Variants in KIAA1549L observed in about 807,000 individuals in gnomAD.
KIAA1549L encodes the protein UPF0606 protein KIAA1549L.
In KIAA1549L, 88 loss-of-function variants were observed where a neutral mutation model predicts 160.7. The ratio of observed to expected loss-of-function variants is 0.55; its 90% CI spans 0.46 to 0.65. The LOEUF is 0.65. Among genes scored for constraint, KIAA1549L ranks in the 30% least tolerant of loss-of-function variants. The probability of loss-of-function intolerance (pLI) is 0.00; values close to 1 mark genes in which losing one functional copy is unlikely to be tolerated. For missense variants in KIAA1549L, 2,258 were observed against 2,437.5 expected (o/e 0.93, Z 1.55); for synonymous variants, 950 against 976.7 (o/e 0.97, Z 0.51).
chr11:33,656,253 T>G, intron 18 of KIAA1549L, 144 bp downstream of exon 18: 2 of 642,952 alleles, frequency 3.1e-6, no homozygotes, highest in South Asian at 3.7e-5. Flanking sequence ...ACCATGCGCC[T>G]GTGGCATCCC....
chr11:33,501,980 G>A (rs565389074), intron 1 of KIAA1549L, among the ~76,000 whole-genome samples: 406 of 152,246 alleles, frequency 2.7e-3, no homozygotes, highest in Non-Finnish European at 3.7e-3. Context: ...GAGGGAGAGA[G>A]GAAGATGATA....
At chr11:33,597,233 A>G (rs537290244) in intron 12 of KIAA1549L, among the ~76,000 whole-genome samples, 3 of 152,372 alleles carry the variant, frequency 2.0e-5, no homozygotes, top group East Asian at 1.9e-4. Context: ...TTGGCGAGGA[A>G]TGTCCCACTT....
At chr11:33,642,270 G>T (rs1265709014) in intron 16 of KIAA1549L, among the ~76,000 whole-genome samples, 1 of 152,212 alleles carries the variant, frequency 6.6e-6, no homozygotes, top group Non-Finnish European at 1.5e-5. Flanking sequence ...GAAGAAATGT[G>T]TTAGGGAAAG....
intron 16 of KIAA1549L, among the ~76,000 whole-genome samples, chr11:33,623,815 C>T (rs1038321022): frequency 9.2e-5 from 14 of 152,166 alleles, no homozygotes; most frequent in Non-Finnish European, 1.3e-4. Context: ...TTTCCCTCCC[C>T]TATAGGCAAC....
intron 1 of KIAA1549L, among the ~76,000 whole-genome samples, chr11:33,474,908 C>CT (rs1421217069): frequency 6.6e-6 from 1 of 152,190 alleles, no homozygotes; most frequent in African/African-American, 2.4e-5. Context: ...GTGTTATAGA[C>CT]TTTTTTTGTT....
Position 33,557,355 on chromosome 11 carries a change from T to G in KIAA1549L, c.3856-2394T>G, listed in dbSNP as rs539200396. On this transcript the variant is annotated intron_variant, in intron 6 of 20. Transcript: ENST00000658780. ...ATAGAGATAAAGATTGAAAAGTTTTTTTTTTTTTAGTTATTATTTTTTTAG... is the reference window on the plus strand; with the variant it reads ...ATAGAGATAAAGATTGAAAAGTTTTGTTTTTTTTAGTTATTATTTTTTTAG... Among the ~76,000 whole-genome samples, 64 of 152,326 alleles carry G rather than the reference T, an allele frequency of 4.2e-4. 1 individual carries two copies. Among genetic ancestry groups the G allele is most frequent in the Non-Finnish European group, 6.6e-4 (45 of 68,026 alleles).
At chr11:33,661,773 G>T (rs891020098) in intron 20 of KIAA1549L, among the ~76,000 whole-genome samples, 2 of 151,486 alleles carry the variant, frequency 1.3e-5, no homozygotes, top group Non-Finnish European at 2.9e-5. Context: ...CTAGCTACTG[G>T]GGAAGCTGAA....
intron 1 of KIAA1549L, among the ~76,000 whole-genome samples, chr11:33,492,240 T>C (rs964070865): frequency 6.6e-6 from 1 of 152,152 alleles, no homozygotes; most frequent in Non-Finnish European, 1.5e-5. Context: ...TGGTTGTGTG[T>C]GTCTGTAATC....
chr11:33,667,870 C>T lies in KIAA1549L; in HGVS notation c.6160-3C>T. Reference sequence around the variant, plus strand: ...TGTCCTTCTCTCCCCACGCCCTCTGCAGGTGCCCCTCCCAGGGTACATCGA... The same window carrying T: ...TGTCCTTCTCTCCCCACGCCCTCTGTAGGTGCCCCTCCCAGGGTACATCGA... On this transcript the variant is annotated splice_region_variant and splice_polypyrimidine_tract_variant and intron_variant, in intron 20 of 20. Coordinates refer to ENST00000658780, the MANE Select transcript of KIAA1549L (RefSeq NM_012194.3). 6.2e-7 allele frequency: 1 copy of T among 1,607,362 alleles called. No homozygotes were observed.
chr11:33,495,736 C>T (rs1852802383), intron 1 of KIAA1549L, among the ~76,000 whole-genome samples: 1 of 151,998 alleles, frequency 6.6e-6, no homozygotes, highest in Non-Finnish European at 1.5e-5. Context: ...AGTTTACAGT[C>T]CCACCAACAG....
chr11:33,593,471 A>T (rs146058475), intron 12 of KIAA1549L, among the ~76,000 whole-genome samples: 1 of 152,066 alleles, frequency 6.6e-6, no homozygotes, highest in Non-Finnish European at 1.5e-5. Flanking sequence ...AATACAACAG[A>T]CTCACTTTGG....
chr11:33,428,488 C>T (rs1337281325), intron 1 of KIAA1549L, among the ~76,000 whole-genome samples: 1 of 149,310 alleles, frequency 6.7e-6, no homozygotes, highest in East Asian at 2.0e-4. Context: ...TTGTGATGTT[C>T]CTCGCCCTGT....
intron 6 of KIAA1549L, among the ~76,000 whole-genome samples, chr11:33,558,886 T>C (rs1854742668): frequency 6.6e-6 from 1 of 151,310 alleles, no homozygotes; most frequent in African/African-American, 2.4e-5. Flanking sequence ...CAGGCTGGAG[T>C]GCAGTGGTGC....
At chr11:33,559,655 C>T (rs1854770696) in intron 6 of KIAA1549L, 94 bp from the exon 7 acceptor site, 1 of 1,007,852 alleles carries the variant, frequency 9.9e-7, no homozygotes, top group Non-Finnish European at 1.5e-6. Flanking sequence ...CTTCCCTCAA[C>T]TCCTGCTTAG....
At chr11:33,589,288 T>C (rs1849974245) in intron 11 of KIAA1549L, among the ~76,000 whole-genome samples, 1 of 152,034 alleles carries the variant, frequency 6.6e-6, no homozygotes, top group African/African-American at 2.4e-5. Context: ...TATGGAGAAA[T>C]AGGAACACTT....
chr11:33,426,193 T>C (rs889572312), intron 1 of KIAA1549L, among the ~76,000 whole-genome samples: 2 of 152,230 alleles, frequency 1.3e-5, no homozygotes, highest in Non-Finnish European at 2.9e-5. Flanking sequence ...TATGGTTATG[T>C]AGGATATTAA....
intron 17 of KIAA1549L, among the ~76,000 whole-genome samples, chr11:33,648,394 A>G (rs1851787593): frequency 1.3e-5 from 2 of 151,758 alleles, no homozygotes; most frequent in African/African-American, 4.8e-5. Flanking sequence ...GAAAATAGCT[A>G]ACAATACAGA....
chr11:33,519,392 C>T (rs1188096820), intron 1 of KIAA1549L, among the ~76,000 whole-genome samples: 2 of 152,088 alleles, frequency 1.3e-5, no homozygotes, highest in African/African-American at 4.8e-5. Flanking sequence ...AGCTCAAATA[C>T]AAGTAATTAG....
At chr11:33,488,600 A>T (rs900568245) in intron 1 of KIAA1549L, among the ~76,000 whole-genome samples, 1 of 152,196 alleles carries the variant, frequency 6.6e-6, no homozygotes, top group Non-Finnish European at 1.5e-5. Context: ...TCATAATCCC[A>T]ATTTTGTGGG....
Sources: gnomAD v4.1 joint callset for allele counts (sites outside exome capture counted in the v4.1 genomes callset) on GRCh38, gnomAD v4.1.1 for gene constraint, MANE v1.5 for transcripts, NCBI Gene and HGNC (gene_info 2026-07-23, HGNC 2026-07-21) for gene names.